FHIP1A: variants seen among roughly 807,000 people sequenced by gnomAD.
The protein encoded by FHIP1A is FHF complex subunit HOOK-interacting protein 1A.
In FHIP1A, 61 loss-of-function variants were observed where a neutral mutation model predicts 88.6. That is an observed-to-expected ratio of 0.69 (90% CI 0.56 to 0.85). The LOEUF (loss-of-function observed/expected upper bound fraction) is 0.85. Among genes scored for constraint, FHIP1A ranks in the 40% least tolerant of loss-of-function variants. The pLI is 0.00. For missense variants in FHIP1A, 1,154 were observed against 1,273.5 expected (o/e 0.91, Z 1.43); for synonymous variants, 478 against 496.0 (o/e 0.96, Z 0.48).
intron 3 of FHIP1A, among the ~76,000 whole-genome samples, chr4:151,507,165 C>T (rs62327238): frequency 0.024 from 3,596 of 152,230 alleles, 50 homozygotes; most frequent in Non-Finnish European, 0.038. Context: ...ACTCTGTCAC[C>T]CAGGACATAG....
intron 1 of FHIP1A, among the ~76,000 whole-genome samples, chr4:151,427,691 C>T (rs1196762314): frequency 1.3e-5 from 2 of 152,090 alleles, no homozygotes; most frequent in African/African-American, 4.8e-5. Flanking sequence ...TTTTGAACTT[C>T]TTATTACATT....
Position 151,656,332 on chromosome 4 carries a change from C to G in FHIP1A, c.2652C>G (p.Ser884Arg), listed in dbSNP as rs1436245000. 3.2e-6 allele frequency: 5 copies of G among 1,551,564 alleles called. No individual in the cohort carries two copies. The highest frequency in any genetic ancestry group is 1.2e-5 in the South Asian group (1 of 84,054). Residue 884 changes from serine to arginine, a missense_variant, in exon 12 of 14, where the codon AGC becomes AGG. Coordinates refer to ENST00000435205, the MANE Select transcript of FHIP1A (RefSeq NM_001109977.3). The surrounding 1 kb of genome is among the most constrained non-coding windows in gnomAD (Gnocchi z 4.2). ...TCGGGATCATTACTCAGCTAGCCAG[C>G]TACCCCCAGCCACTCCTGCGCTCCT... ...LLIGIITQLA[S>R]YPQPLLRSFL... is the part of the protein sequence containing the mutation.
At chr4:151,444,535 C>T (rs887487020) in intron 1 of FHIP1A, among the ~76,000 whole-genome samples, 14 of 152,170 alleles carry the variant, frequency 9.2e-5, no homozygotes, top group Non-Finnish European at 1.3e-4. Context: ...CCACTCCCCA[C>T]GTTTCTCCTA....
intron 3 of FHIP1A, among the ~76,000 whole-genome samples, chr4:151,526,426 C>T (rs948600466): frequency 1.2e-4 from 17 of 142,516 alleles, no homozygotes; most frequent in Admixed American, 4.1e-4. Flanking sequence ...GGTGGCTGGC[C>T]GGGCGGGGGG....
intron 7 of FHIP1A, among the ~76,000 whole-genome samples, chr4:151,590,766 A>C (rs1734394734): frequency 6.6e-6 from 1 of 152,224 alleles, no homozygotes; most frequent in South Asian, 2.1e-4. Context: ...AGCTCTTTAC[A>C]TATATTATGT....
chr4:151,599,650 C>T (rs949838392), intron 7 of FHIP1A, among the ~76,000 whole-genome samples: 4 of 152,188 alleles, frequency 2.6e-5, no homozygotes, highest in Non-Finnish European at 5.9e-5. Flanking sequence ...CAGTCACTGG[C>T]TGGGAACAAC....
chr4:151,509,753 CTATGTT>C, intron 3 of FHIP1A, among the ~76,000 whole-genome samples: 1 of 131,126 alleles, frequency 7.6e-6, no homozygotes, highest in South Asian at 2.3e-4. Context: ...AATACTGTCT[CTATGTT>C]TGTGTGTGTG....
intron 1 of FHIP1A, among the ~76,000 whole-genome samples, chr4:151,451,903 C>G (rs1199020838): frequency 6.6e-6 from 1 of 151,716 alleles, no homozygotes; most frequent in Non-Finnish European, 1.5e-5. Context: ...TCATTACAGC[C>G]TTGACCTCCT....
intron 1 of FHIP1A, among the ~76,000 whole-genome samples, chr4:151,430,596 T>G (rs1371960032): frequency 6.6e-6 from 1 of 152,222 alleles, no homozygotes; most frequent in African/African-American, 2.4e-5. Flanking sequence ...TGATTTTAAG[T>G]AGGAGTAATT....
intron 1 of FHIP1A, among the ~76,000 whole-genome samples, chr4:151,410,666 C>A (rs1304934010): frequency 6.6e-6 from 1 of 152,228 alleles, no homozygotes; most frequent in Non-Finnish European, 1.5e-5. Context: ...AAGCTGTCCA[C>A]ATGTAGTGAA....
intron 3 of FHIP1A, among the ~76,000 whole-genome samples, chr4:151,504,593 TTA>T (rs1730763058): frequency 7.4e-6 from 1 of 135,976 alleles, no homozygotes; most frequent in Admixed American, 7.5e-5. Context: ...TTATGTTATG[TTA>T]TGTTATGTTA....
At chr4:151,486,164 T>C (rs1283434815) in intron 3 of FHIP1A, among the ~76,000 whole-genome samples, 1 of 152,140 alleles carries the variant, frequency 6.6e-6, no homozygotes, top group Non-Finnish European at 1.5e-5. Context: ...GAAGTAAAGC[T>C]CACCCACTGC....
At chr4:151,600,498 G>C (rs6535807) in intron 7 of FHIP1A, among the ~76,000 whole-genome samples, 3 of 152,194 alleles carry the variant, frequency 2.0e-5, no homozygotes, top group Non-Finnish European at 2.9e-5. Flanking sequence ...TAAGTGGACT[G>C]GTTACAACAG....
At chr4:151,468,284 C>CAAA (rs921242622) in intron 2 of FHIP1A, among the ~76,000 whole-genome samples, 29 of 38,212 alleles carry the variant, frequency 7.6e-4, no homozygotes, top group East Asian at 1.5e-3. Context: ...GACTCCATCT[C>CAAA]AAAAAAAAAA....
intron 7 of FHIP1A, among the ~76,000 whole-genome samples, chr4:151,616,633 G>A (rs1005084863): frequency 6.6e-6 from 1 of 151,700 alleles, no homozygotes; most frequent in Admixed American, 6.6e-5. Flanking sequence ...TGTATTTTTA[G>A]TGGAGGCGGG....
chr4:151,485,031 T>A (rs1010558061), intron 3 of FHIP1A, among the ~76,000 whole-genome samples: 2 of 152,178 alleles, frequency 1.3e-5, no homozygotes, highest in Non-Finnish European at 2.9e-5. Flanking sequence ...CAAAACTGTT[T>A]TAGTAAATAA....
intron 3 of FHIP1A, among the ~76,000 whole-genome samples, chr4:151,509,635 G>A (rs1560738334): frequency 6.6e-6 from 1 of 152,116 alleles, no homozygotes; most frequent in Non-Finnish European, 1.5e-5. Flanking sequence ...TCGGGGCAGG[G>A]AATAATGGTG....
intron 4 of FHIP1A, among the ~76,000 whole-genome samples, chr4:151,568,274 G>A (rs908178493): frequency 6.6e-6 from 1 of 152,170 alleles, no homozygotes; most frequent in Admixed American, 6.5e-5. Context: ...TTGAGTTGAA[G>A]GTAAGGATAA....
chr4:151,430,285 G>A (rs888390604), intron 1 of FHIP1A, among the ~76,000 whole-genome samples: 2 of 152,180 alleles, frequency 1.3e-5, no homozygotes, highest in Non-Finnish European at 1.5e-5. Context: ...TACTAGAAAG[G>A]AATGTAACAG....
Sources: gnomAD v4.1 joint callset for allele counts (sites outside exome capture counted in the v4.1 genomes callset) on GRCh38, gnomAD v4.1.1 for gene constraint, Gnocchi (gnomAD v3.1) non-coding constraint, MANE v1.5 for transcripts, NCBI Gene and HGNC (gene_info 2026-07-23, HGNC 2026-07-21) for gene names.